PCLO: variants seen among roughly 807,000 people sequenced by gnomAD.
The protein encoded by PCLO is piccolo presynaptic cytomatrix protein.
PCLO carries 82 observed loss-of-function variants against 427.5 expected under a neutral mutation model. The ratio of observed to expected loss-of-function variants is 0.19; its 90% CI spans 0.16 to 0.23. PCLO has a LOEUF of 0.23. PCLO is among the 10% of genes least tolerant of loss of function. The pLI, the probability that PCLO is intolerant of heterozygous loss-of-function variation, is 1.00. For missense variants in PCLO, 6,239 were observed against 6,115.9 expected (o/e 1.02, Z -0.67); for synonymous variants, 2,357 against 2,155.4 (o/e 1.09, Z -2.59).
chr7:82,819,073 A>G (rs931508554), intron 20 of PCLO, among the ~76,000 whole-genome samples: 13 of 152,218 alleles, frequency 8.5e-5, no homozygotes, highest in African/African-American at 3.1e-4. Flanking sequence ...TAAATTTAAC[A>G]CTATAGTATG....
chr7:83,125,036 G>T (rs191318121), intron 3 of PCLO, among the ~76,000 whole-genome samples: 1 of 152,136 alleles, frequency 6.6e-6, no homozygotes, highest in Admixed American at 6.5e-5. Flanking sequence ...GATTACAGAC[G>T]GAGTCTCGCT....
chr7:82,837,748 T>C (rs928505197), intron 15 of PCLO, among the ~76,000 whole-genome samples: 3 of 152,012 alleles, frequency 2.0e-5, no homozygotes, highest in Non-Finnish European at 4.4e-5. Context: ...TTTGGAAATA[T>C]GTGTATAAAT....
chr7:83,141,331 T>C (rs1002587018), intron 2 of PCLO, among the ~76,000 whole-genome samples: 2 of 152,224 alleles, frequency 1.3e-5, no homozygotes, highest in African/African-American at 4.8e-5. Flanking sequence ...TTCCAGACTT[T>C]ATATGACAAA....
chr7:83,113,212 A>C (rs1254278029), intron 3 of PCLO, among the ~76,000 whole-genome samples: 2 of 152,232 alleles, frequency 1.3e-5, no homozygotes, highest in East Asian at 1.9e-4. Context: ...ATAAGAGGTT[A>C]AACAATTTGT....
At chr7:82,763,469 T>C (rs1790471107) in intron 22 of PCLO, among the ~76,000 whole-genome samples, 1 of 152,156 alleles carries the variant, frequency 6.6e-6, no homozygotes, top group East Asian at 1.9e-4. Flanking sequence ...TGAAAGAAAA[T>C]GAAATAACAA....
At chr7:83,106,369 A>G (rs993750650) in intron 3 of PCLO, among the ~76,000 whole-genome samples, 2 of 152,300 alleles carry the variant, frequency 1.3e-5, no homozygotes, top group African/African-American at 4.8e-5. Context: ...AAACCAAAAC[A>G]ATACATCAAG....
intron 3 of PCLO, among the ~76,000 whole-genome samples, chr7:83,049,301 A>T (rs1789177415): frequency 6.6e-6 from 1 of 152,158 alleles, no homozygotes; most frequent in Non-Finnish European, 1.5e-5. Context: ...TGATAACATG[A>T]TGCAACATGT....
intron 3 of PCLO, among the ~76,000 whole-genome samples, chr7:83,059,357 A>AAAATATATATATAT (rs1332566491): frequency 1.1e-4 from 12 of 111,802 alleles, no homozygotes; most frequent in Admixed American, 1.9e-4. Flanking sequence ...ACACCTTTAA[A>AAAATATATATATAT]ATATATATAT....
chr7:82,767,574 A>G (rs1318224849), intron 22 of PCLO, among the ~76,000 whole-genome samples: 6 of 152,168 alleles, frequency 3.9e-5, no homozygotes, highest in Non-Finnish European at 5.9e-5. Flanking sequence ...AATTAAGATA[A>G]TATAGAGAAC....
intron 3 of PCLO, among the ~76,000 whole-genome samples, chr7:83,044,221 A>C (rs916251990): frequency 6.6e-6 from 1 of 152,006 alleles, no homozygotes; most frequent in African/African-American, 2.4e-5. Flanking sequence ...AACATGGGGG[A>C]ACCGCCCCCA....
At chr7:83,121,325 G>A (rs994259582) in intron 3 of PCLO, among the ~76,000 whole-genome samples, 3 of 151,920 alleles carry the variant, frequency 2.0e-5, no homozygotes, top group East Asian at 1.9e-4. Flanking sequence ...AAAATAATCG[G>A]TAATAGAAGG....
At chr7:83,017,561 CA>C (rs1417007997) in intron 3 of PCLO, among the ~76,000 whole-genome samples, 1 of 151,812 alleles carries the variant, frequency 6.6e-6, no homozygotes. Context: ...GAAATCAATG[CA>C]AAGAGATAAA....
At position 83,042,810 on chromosome 7, in the gene PCLO, C is replaced by T. The variant is rs10281490; in HGVS notation, c.3301-76323G>A. Among the ~76,000 whole-genome samples the T allele has an allele frequency of 3.2e-3, 482 of 152,138 alleles. 2 individuals carry two copies. The highest frequency in any genetic ancestry group is 0.011 in the African/African-American group (462 of 41,496). On this transcript the variant is annotated intron_variant, in intron 3 of 24. Transcript: ENST00000333891. The stretch of plus-strand genomic sequence containing the variant: ...CCGGGAGGCGGAGGTTGCAGTCAGC[C>T]GAGATGGCACCACTGCCCTCTAGGC...
chr7:82,832,800 TACACACACACACAC>T (rs10645073), intron 16 of PCLO, among the ~76,000 whole-genome samples: 297 of 140,696 alleles, frequency 2.1e-3, no homozygotes, highest in African/African-American at 6.9e-3. Flanking sequence ...CTAAACTTAC[TACACACACACACAC>T]ACACACACAC....
chr7:83,084,135 T>C (rs1026049633), intron 3 of PCLO, among the ~76,000 whole-genome samples: 1 of 152,088 alleles, frequency 6.6e-6, no homozygotes, highest in African/African-American at 2.4e-5. Context: ...CATCTATCAA[T>C]GAAAGAAATT....
intron 2 of PCLO, 41 bp downstream of exon 2, chr7:83,154,707 T>C: frequency 7.2e-7 from 1 of 1,392,988 alleles, no homozygotes; most frequent in Non-Finnish European, 1.0e-6. Flanking sequence ...AAGAGGATGA[T>C]ATGGCTGAAG....
chr7:82,826,679 A>G lies in PCLO; in HGVS notation c.14344-19T>C. ...TCTTGAGCTATATAGTTCAAATAGA[A>G]ATCTAATTAAACCTATCTTTCCATC... On this transcript the variant is annotated intron_variant, in intron 17 of 24. Coordinates refer to ENST00000333891, the MANE Select transcript of PCLO (RefSeq NM_033026.6). 2 of 1,468,410 alleles carry G rather than the reference A, an allele frequency of 1.4e-6. No homozygotes were observed. Among genetic ancestry groups the G allele is most frequent in the Non-Finnish European group, 1.9e-6 (2 of 1,062,444 alleles). The allele number at this position is 1,468,410 out of a possible 1,614,324, so 91.0% of individuals were successfully genotyped here. A position where few individuals can be genotyped will look rare whatever the true frequency, so the allele number is the denominator to read the frequency against.
chr7:82,988,561 T>G (rs996360964), intron 3 of PCLO, among the ~76,000 whole-genome samples: 32 of 151,822 alleles, frequency 2.1e-4, no homozygotes, highest in African/African-American at 7.3e-4. Context: ...CATTTAACCT[T>G]ATAACATGAG....
At chr7:83,070,563 A>G (rs1789787927) in intron 3 of PCLO, among the ~76,000 whole-genome samples, 1 of 151,676 alleles carries the variant, frequency 6.6e-6, no homozygotes, top group Non-Finnish European at 1.5e-5. Flanking sequence ...ATTTTTTTGT[A>G]TTTTTAGTAG....
Sources: gnomAD v4.1 joint callset for allele counts (sites outside exome capture counted in the v4.1 genomes callset) on GRCh38, gnomAD v4.1.1 for gene constraint, MANE v1.5 for transcripts, NCBI Gene and HGNC (gene_info 2026-07-23, HGNC 2026-07-21) for gene names.